The following GCNT2 variants were observed in gnomAD, a reference collection of about 807,000 sequenced individuals.
GCNT2 encodes N-acetyllactosaminide beta-1,6-N-acetylglucosaminyl-transferase.
Under a neutral mutation model 34.2 loss-of-function variants are expected in GCNT2, and 34 were observed. The ratio of observed to expected loss-of-function variants is 1.00; its 90% CI spans 0.76 to 1.32. The LOEUF (loss-of-function observed/expected upper bound fraction) is 1.32. GCNT2 is among the 40% of genes most tolerant of loss of function. The pLI is 0.00. For synonymous variants in GCNT2, 212 were observed against 188.0 expected, an observed-to-expected ratio of 1.13 and a Z score of -1.04; for missense variants, 584 against 489.4, an observed-to-expected ratio of 1.19 and a Z score of -1.82.
chr6:10,586,179 A>C, intron 3 of GCNT2: 1 of 1,614,196 alleles, frequency 6.2e-7, no homozygotes, highest in Non-Finnish European at 8.5e-7. Context: ...GTGGGAAAAT[A>C]TATTACCATC....
chr6:10,545,162 C>G (rs545955648), intron 3 of GCNT2, among the ~76,000 whole-genome samples: 1 of 151,938 alleles, frequency 6.6e-6, no homozygotes, highest in Admixed American at 6.6e-5. Flanking sequence ...TCTTCTCTTT[C>G]TAGTCTATAT....
At chr6:10,561,371 A>G (rs1372771104) in intron 3 of GCNT2, among the ~76,000 whole-genome samples, 2 of 152,186 alleles carry the variant, frequency 1.3e-5, no homozygotes, top group Non-Finnish European at 2.9e-5. Context: ...CGTGTTGGTC[A>G]GGCTGGTCTC....
chr6:10,565,175 A>G (rs571788370), intron 3 of GCNT2, among the ~76,000 whole-genome samples: 2 of 152,348 alleles, frequency 1.3e-5, no homozygotes, highest in South Asian at 4.1e-4. Context: ...TAGCCGAGCG[A>G]ACGAGGATGA....
At chr6:10,587,239 G>A (rs1263356532) in intron 3 of GCNT2, among the ~76,000 whole-genome samples, 1 of 152,176 alleles carries the variant, frequency 6.6e-6, no homozygotes, top group Admixed American at 6.5e-5. Context: ...TTTAAAATAA[G>A]CATTCTAGAA....
intron 3 of GCNT2, chr6:10,575,089 T>TACCC: frequency 1.9e-6 from 1 of 535,696 alleles, no homozygotes; most frequent in Non-Finnish European, 3.5e-6. Flanking sequence ...TTTTGAACAG[T>TACCC]ACCCATTCCC....
chr6:10,557,024 A>G (rs1316769711), intron 3 of GCNT2: 2 of 1,613,564 alleles, frequency 1.2e-6, no homozygotes, highest in East Asian at 2.2e-5. Flanking sequence ...CAACAAGGAA[A>G]TAGTTCAGTA....
At chr6:10,561,567 G>A (rs1337528367) in intron 3 of GCNT2, among the ~76,000 whole-genome samples, 4 of 152,188 alleles carry the variant, frequency 2.6e-5, no homozygotes, top group African/African-American at 4.8e-5. Context: ...CCAAGTGGCC[G>A]CTGGTTGATC....
At chr6:10,579,109 G>GT (rs570603790) in intron 3 of GCNT2, among the ~76,000 whole-genome samples, 42 of 152,254 alleles carry the variant, frequency 2.8e-4, no homozygotes, top group East Asian at 1.4e-3. Flanking sequence ...TTGGCCATTA[G>GT]TTTTTTCTGC....
intron 3 of GCNT2, chr6:10,557,116 C>A (rs1474521577): frequency 6.4e-7 from 1 of 1,559,840 alleles, no homozygotes; most frequent in Admixed American, 2.0e-5. Context: ...AATATGTCCA[C>A]CAAGAGCACC....
rs116650063 is a variant in GCNT2 at position 10,537,180 on chromosome 6, G to A, written c.925+7344G>A. Among the ~76,000 whole-genome samples the A allele has an allele frequency of 7.6e-3, 1,161 of 152,250 alleles. 19 individuals are homozygous for A. The highest frequency in any genetic ancestry group is 0.026 in the African/African-American group (1,092 of 41,530). ...AACAATGGCATTAATCACTTCCCTA[G>A]AAGAAGAAAGGAAGAGTTTAATCTG... On this transcript the variant is annotated intron_variant, in intron 3 of 4. Transcript: ENST00000495262.
At chr6:10,561,334 G>T (rs1762971000) in intron 3 of GCNT2, among the ~76,000 whole-genome samples, 1 of 152,064 alleles carries the variant, frequency 6.6e-6, no homozygotes, top group Admixed American at 6.6e-5. Flanking sequence ...GGCTAATTTT[G>T]TATTTTTAGT....
At position 10,527,944 on chromosome 6, in the gene GCNT2, T is replaced by G. The variant is rs1001749303; in HGVS notation, c.-282+284T>G. Among the ~76,000 whole-genome samples, 8 of 152,210 alleles carry G rather than the reference T, an allele frequency of 5.3e-5. 1 individual carries two copies. In the East Asian group the frequency reaches 7.7e-4, roughly 15 times the overall value. ...GAGCCTCTCTCCTAAAATTCAAGACTGAGATGCTCTTCTCTCCTTCCTCTA... is the reference window on the plus strand; with the variant it reads ...GAGCCTCTCTCCTAAAATTCAAGACGGAGATGCTCTTCTCTCCTTCCTCTA... On this transcript the variant is annotated intron_variant, in intron 2 of 4. Transcript: ENST00000495262.
chr6:10,537,282 C>A (rs887313193), intron 3 of GCNT2, among the ~76,000 whole-genome samples: 1 of 152,220 alleles, frequency 6.6e-6, no homozygotes, highest in African/African-American at 2.4e-5. Flanking sequence ...CATTCTGTGG[C>A]TCACACTCTA....
intron 3 of GCNT2, among the ~76,000 whole-genome samples, chr6:10,583,192 A>G (rs1311571438): frequency 6.6e-6 from 1 of 152,210 alleles, no homozygotes; most frequent in Non-Finnish European, 1.5e-5. Context: ...CTAGCAGCTC[A>G]CCAAATTAAT....
chr6:10,582,359 A>ATAG, intron 3 of GCNT2, among the ~76,000 whole-genome samples: 2 of 110,066 alleles, frequency 1.8e-5, no homozygotes, highest in African/African-American at 4.2e-5. Context: ...GTAATATTAA[A>ATAG]TATAATATAT....
rs1359134497 is a variant in GCNT2 at position 10,582,486 on chromosome 6, ACTATAAT to A, written c.926-38864_926-38858del. Among the ~76,000 whole-genome samples, 230 of 96,236 alleles carry A rather than the reference ACTATAAT, an allele frequency of 2.4e-3. 3 individuals carry two copies. Among genetic ancestry groups the A allele is most frequent in the African/African-American group, 0.013 (208 of 15,720 alleles). The allele number at this position is 96,236 out of a possible 152,430, so 63.1% of individuals were successfully genotyped here. A position where few individuals can be genotyped will look rare whatever the true frequency, so the allele number is the denominator to read the frequency against. ...AAATATAATATATACTATAATATAT[ACTATAAT>A]ATATAATATAATACATCATATATTA... On this transcript the variant is annotated intron_variant, in intron 3 of 4. Transcript: ENST00000495262.
chr6:10,573,720 C>A lies in GCNT2; in HGVS notation c.925+43884C>A, dbSNP rs185980109. 1.9e-3 allele frequency among the ~76,000 whole-genome samples: 290 copies of A among 152,328 alleles called. 2 individuals are homozygous for A. Among genetic ancestry groups the A allele is most frequent in the African/African-American group, 6.6e-3 (273 of 41,568 alleles). On this transcript the variant is annotated intron_variant, in intron 3 of 4. Transcript: ENST00000495262. ...TCACCACCATGCCGCATATTGACCC[C>A]ATCGTTAGCTTTTTGCAGGTGCACC... is the stretch of plus-strand genomic sequence containing the variant.
At chr6:10,533,647 G>GGC (rs1211036598) in intron 3 of GCNT2, among the ~76,000 whole-genome samples, 2 of 151,288 alleles carry the variant, frequency 1.3e-5, no homozygotes. Flanking sequence ...AAACTAGCCA[G>GGC]GCGTGGTAGC....
At chr6:10,564,802 T>A (rs1012449144) in intron 3 of GCNT2, among the ~76,000 whole-genome samples, 2 of 152,200 alleles carry the variant, frequency 1.3e-5, no homozygotes, top group Non-Finnish European at 2.9e-5. Context: ...AATAAATATT[T>A]ATGGAGCAAC....
Sources: gnomAD v4.1 joint callset for allele counts (sites outside exome capture counted in the v4.1 genomes callset) on GRCh38, gnomAD v4.1.1 for gene constraint, MANE v1.5 for transcripts, NCBI Gene and HGNC (gene_info 2026-07-23, HGNC 2026-07-21) for gene names.